Variants in MASTL observed in about 807,000 individuals in gnomAD.
MASTL encodes the protein serine/threonine-protein kinase greatwall.
MASTL carries 54 observed loss-of-function variants against 82.5 expected under a neutral mutation model. That is an observed-to-expected ratio of 0.65 (90% CI 0.53 to 0.82). The LOEUF (loss-of-function observed/expected upper bound fraction) is 0.82. Ranked by LOEUF, MASTL falls within the 40% of genes least tolerant of loss-of-function variation. The pLI is 0.00. For synonymous variants in MASTL, 323 were observed against 368.9 expected (o/e 0.88, Z 1.43); for missense variants, 950 against 1,047.8 (o/e 0.91, Z 1.29).
chr10:27,167,314 T>C, intron 7 of MASTL, 40 bp downstream of exon 7: 1 of 1,521,414 alleles, frequency 6.6e-7, no homozygotes, highest in Non-Finnish European at 9.1e-7. Flanking sequence ...CAATTATGTA[T>C]GTCAAATGAA....
intron 1 of MASTL, among the ~76,000 whole-genome samples, chr10:27,157,092 C>T (rs1004513178): frequency 1.3e-5 from 2 of 152,062 alleles, no homozygotes; most frequent in African/African-American, 4.8e-5. Flanking sequence ...GGTGAGCCAC[C>T]GTGCCTGGCC....
intron 7 of MASTL, among the ~76,000 whole-genome samples, chr10:27,169,429 G>A (rs1052472816): frequency 6.6e-6 from 1 of 151,964 alleles, no homozygotes; most frequent in Non-Finnish European, 1.5e-5. Flanking sequence ...AATTAGCCAG[G>A]TGTGGTGGTG....
chr10:27,157,148 T>C (rs973440866), intron 1 of MASTL, among the ~76,000 whole-genome samples: 1 of 152,144 alleles, frequency 6.6e-6, no homozygotes, highest in Non-Finnish European at 1.5e-5. Context: ...CCTTTTGTGC[T>C]CTTCTCCACC....
chr10:27,165,171 G>A lies in MASTL; in HGVS notation c.660+1G>A, dbSNP rs759159747. Reference sequence around the variant, plus strand: ...ATCGCTTATCAGCTCGTTGGGATTTGTAAGTACTTGAGAAGAAAATTAACA... The same window carrying A: ...ATCGCTTATCAGCTCGTTGGGATTTATAAGTACTTGAGAAGAAAATTAACA... On this transcript the variant is annotated splice_donor_variant, in intron 5 of 11. Transcript: ENST00000375940. LOFTEE classifies it high-confidence loss of function. 1 of 1,599,086 alleles carries A rather than the reference G, an allele frequency of 6.3e-7. No individual in the cohort carries two copies. Among genetic ancestry groups the A allele is most frequent in the Non-Finnish European group, 8.6e-7 (1 of 1,166,482 alleles).
Position 27,187,871 on chromosome 10 carries a change from A to G in MASTL, c.*1335A>G, listed in dbSNP as rs755036608. On this transcript the variant is annotated 3_prime_UTR_variant, in exon 12 of 12. Transcript: ENST00000375940. ...CATCTTATTGTCATTTATTTAAAAC[A>G]TGCAACATTATCAGAAACAGATTGG... 2.6e-5 allele frequency among the ~76,000 whole-genome samples: 4 copies of G among 152,346 alleles called. No individual in the cohort carries two copies. The highest frequency in any genetic ancestry group is 1.3e-4 in the Admixed American group (2 of 15,294).
chr10:27,177,845 G>A, intron 9 of MASTL: 2 of 936,956 alleles, frequency 2.1e-6, no homozygotes, highest in Non-Finnish European at 2.5e-6. Flanking sequence ...AAGTAATGCG[G>A]CAAAGCACAT....
At chr10:27,181,116 G>A (rs1283501096) in intron 10 of MASTL, 50 bp downstream of exon 10, 9 of 1,344,274 alleles carry the variant, frequency 6.7e-6, no homozygotes, top group Non-Finnish European at 8.5e-6. Context: ...TGGGCATAGT[G>A]GCCCATGCCT....
intron 4 of MASTL, among the ~76,000 whole-genome samples, chr10:27,164,637 A>G (rs1420269062): frequency 6.6e-6 from 1 of 151,578 alleles, no homozygotes; most frequent in Non-Finnish European, 1.5e-5. Flanking sequence ...CCATCTCCTT[A>G]TTTATTTATT....
intron 8 of MASTL, 107 bp from the exon 9 acceptor site, chr10:27,173,011 G>T: frequency 2.3e-6 from 3 of 1,295,914 alleles, no homozygotes; most frequent in South Asian, 1.3e-5. Flanking sequence ...CATCCTTTAC[G>T]CCTAGTAGCC....
chr10:27,169,279 C>T (rs2057840113), intron 7 of MASTL, among the ~76,000 whole-genome samples: 1 of 152,000 alleles, frequency 6.6e-6, no homozygotes, highest in Non-Finnish European at 1.5e-5. Flanking sequence ...CAGAATCATC[C>T]AGGCCAGGTG....
At chr10:27,185,536 G>A (rs1431794394) in intron 11 of MASTL, among the ~76,000 whole-genome samples, 2 of 151,594 alleles carry the variant, frequency 1.3e-5, no homozygotes, top group Non-Finnish European at 2.9e-5. Flanking sequence ...AGGAGGATGA[G>A]GTGGGAGAAT....
At chr10:27,168,547 T>G (rs564658003) in intron 7 of MASTL, among the ~76,000 whole-genome samples, 2 of 152,334 alleles carry the variant, frequency 1.3e-5, no homozygotes, top group African/African-American at 4.8e-5. Context: ...CCAGGCGCGG[T>G]GGCTCACGCC....
intron 4 of MASTL, among the ~76,000 whole-genome samples, chr10:27,163,069 A>G (rs1451563572): frequency 2.0e-5 from 3 of 152,170 alleles, no homozygotes; most frequent in Non-Finnish European, 4.4e-5. Flanking sequence ...GGTGCCCGCC[A>G]CCACGCCCAG....
At chr10:27,180,298 G>T (rs183337568) in intron 9 of MASTL, among the ~76,000 whole-genome samples, 3 of 152,382 alleles carry the variant, frequency 2.0e-5, no homozygotes, top group Admixed American at 6.5e-5. Flanking sequence ...TGCTAGAGAT[G>T]TTACAGGGCG....
chr10:27,165,186 GA>G lies in MASTL; in HGVS notation c.660+20del. 6.4e-7 allele frequency: 1 copy of G among 1,555,046 alleles called. No individual in the cohort carries two copies. The highest frequency in any genetic ancestry group is 8.9e-7 in the Non-Finnish European group (1 of 1,126,516). On this transcript the variant is annotated intron_variant, in intron 5 of 11. Transcript: ENST00000375940. ...GTTGGGATTTGTAAGTACTTGAGAA[GA>G]AAATTAACATGACATACCCCTTCAT...
chr10:27,166,296 C>T (rs556432026), intron 6 of MASTL, among the ~76,000 whole-genome samples: 10 of 152,112 alleles, frequency 6.6e-5, no homozygotes, highest in African/African-American at 2.4e-4. Flanking sequence ...CATTTGTAAG[C>T]GCATAAACCT....
chr10:27,181,300 A>G lies in MASTL; in HGVS notation c.2381-180A>G, dbSNP rs112313724. Among the ~76,000 whole-genome samples, 508 of 152,220 alleles carry G rather than the reference A, an allele frequency of 3.3e-3. 2 individuals are homozygous for G. The highest frequency in any genetic ancestry group is 0.012 in the African/African-American group (483 of 41,536). ...CAGCTACTCGGGAGGCTGAAGCAGGAGAATCGCTTGAACCTGGGAGGTGGA... is the reference window on the plus strand; with the variant it reads ...CAGCTACTCGGGAGGCTGAAGCAGGGGAATCGCTTGAACCTGGGAGGTGGA... On this transcript the variant is annotated intron_variant, in intron 10 of 11. Coordinates refer to ENST00000375940, the MANE Select transcript of MASTL (RefSeq NM_001172303.3).
Position 27,170,389 on chromosome 10 carries a change from A to G in MASTL, c.1430A>G (p.Tyr477Cys). 1 of 1,614,142 alleles carries G rather than the reference A, an allele frequency of 6.2e-7. No homozygotes were observed. The highest frequency in any genetic ancestry group is 8.5e-7 in the Non-Finnish European group (1 of 1,179,990). Residue 477 changes from tyrosine to cysteine, a missense_variant, in exon 8 of 12, where the codon TAT becomes TGT. Tyr to Cys is a radical substitution (Grantham distance 194, BLOSUM62 -2). Transcript: ENST00000375940. ...EYKHNEMTNC[Y>C]TNQNTGLTVE... ...AAGCATAACGAAATGACAAATTGTTATACAAATCAAAATACAGGCTTAACA... is the reference window on the plus strand; with the variant it reads ...AAGCATAACGAAATGACAAATTGTTGTACAAATCAAAATACAGGCTTAACA...
In MASTL at chr10:27,181,530, G is replaced by A; in HGVS notation, c.2431G>A (p.Ala811Thr). ...EEKLSDNAQS[A>T]VEILLTIDDT... ...AAAGTTATCTGATAATGCTCAAAGT[G>A]CAGTAGAAATACTTTTAACCATTGA... is the stretch of plus-strand genomic sequence containing the variant. Residue 811 changes from alanine to threonine, a missense_variant, in exon 11 of 12, where the codon GCA becomes ACA. Physicochemically the swap from Ala to Thr is moderately conservative, Grantham distance 58. Coordinates refer to ENST00000375940, the MANE Select transcript of MASTL (RefSeq NM_001172303.3). The A allele has an allele frequency of 6.2e-7, 1 of 1,613,260 alleles. No homozygotes were observed. Among genetic ancestry groups the A allele is most frequent in the Non-Finnish European group, 8.5e-7 (1 of 1,179,372 alleles).
Sources: allele counts gnomAD v4.1 joint callset (sites outside exome capture counted in the v4.1 genomes callset), GRCh38; gene constraint gnomAD v4.1.1; transcripts MANE v1.5; gene names NCBI Gene and HGNC (gene_info 2026-07-23, HGNC 2026-07-21).